SLC11A2: variants seen among roughly 807,000 people sequenced by gnomAD.
The protein encoded by SLC11A2 is solute carrier family 11 member 2.
In SLC11A2, 38 loss-of-function variants were observed where a neutral mutation model predicts 68.0. That is an observed-to-expected ratio of 0.56 (90% CI 0.43 to 0.73). SLC11A2 has a LOEUF of 0.73. Among genes scored for constraint, SLC11A2 ranks in the 30% least tolerant of loss-of-function variants. SLC11A2 has a pLI of 0.00. For synonymous variants in SLC11A2, 242 were observed against 250.6 expected, an observed-to-expected ratio of 0.97 and a Z score of 0.32; for missense variants, 517 against 690.5, an observed-to-expected ratio of 0.75 and a Z score of 2.82.
chr12:50,976,500 A>G (rs1341794169), downstream of SLC11A2, among the ~76,000 whole-genome samples: 1 of 152,230 alleles, frequency 6.6e-6, no homozygotes, highest in Non-Finnish European at 1.5e-5. Context: ...TCTCAAAACA[A>G]TAAGAGCTAT....
chr12:51,027,922 G>T (rs200153132), upstream of SLC11A2, among the ~76,000 whole-genome samples: 1 of 150,768 alleles, frequency 6.6e-6, no homozygotes, highest in East Asian at 2.0e-4. Flanking sequence ...AAAAGTGGGG[G>T]GGGGGGGCTT....
At chr12:50,971,256 C>T in the SLC11A2 span, among the ~76,000 whole-genome samples, 26 of 149,656 alleles carry the variant, frequency 1.7e-4, no homozygotes, top group African/African-American at 6.1e-4. Flanking sequence ...AAAGTAATTA[C>T]GGTTTCATAA....
chr12:50,994,909 G>A (rs1941557037), intron 10 of SLC11A2: 1 of 424,148 alleles, frequency 2.4e-6, no homozygotes, highest in African/African-American at 2.0e-5. Context: ...CAAGAGGAGA[G>A]GCTCTGAAGA....
At chr12:50,993,033 C>G (rs900768135) in intron 11 of SLC11A2, 104 bp from the exon 12 acceptor site, 15 of 1,336,156 alleles carry the variant, frequency 1.1e-5, no homozygotes, top group Non-Finnish European at 1.6e-5. Flanking sequence ...TGCTATGCAC[C>G]ACCAACACCA....
chr12:50,954,917 T>A, the SLC11A2 span, among the ~76,000 whole-genome samples: 16 of 152,298 alleles, frequency 1.1e-4, no homozygotes, highest in African/African-American at 3.8e-4. Context: ...TTTTGGCTGC[T>A]CAGTGGCCCT....
chr12:51,013,615 C>T (rs1182916257), intron 1 of SLC11A2, among the ~76,000 whole-genome samples: 1 of 151,862 alleles, frequency 6.6e-6, no homozygotes, highest in African/African-American at 2.4e-5. Context: ...TAGTGCATGT[C>T]TGTGGTGCCA....
the SLC11A2 span, among the ~76,000 whole-genome samples, chr12:50,959,268 C>T: frequency 1.1e-4 from 16 of 150,810 alleles, no homozygotes; most frequent in African/African-American, 2.9e-4. Context: ...TACAGGCATG[C>T]GCCACCACGC....
At position 50,986,864 on chromosome 12, in the gene SLC11A2, T is replaced by C. The variant is rs920666715; in HGVS notation, c.*1461A>G. ...CTGCGCTTTTGACTGTGTGCAAGTA[T>C]CAGTAATAATGCTTTTGGGGGCTCA... is the stretch of plus-strand genomic sequence containing the variant. On this transcript the variant is annotated 3_prime_UTR_variant, in exon 16 of 16. Coordinates refer to ENST00000262052, the MANE Select transcript of SLC11A2 (RefSeq NM_000617.3). The C allele has an allele frequency of 2.1e-5, 27 of 1,287,014 alleles. No individual in the cohort carries two copies. Among genetic ancestry groups the C allele is most frequent in the Non-Finnish European group, 2.6e-5 (26 of 988,668 alleles). 79.7% of individuals were successfully genotyped at this position (1,287,014 alleles called of 1,614,324 possible).
the SLC11A2 span, among the ~76,000 whole-genome samples, chr12:50,968,102 A>AAGGAGGAGGAGG: frequency 0.012 from 1,695 of 147,346 alleles, 16 homozygotes; most frequent in Middle Eastern, 0.021. Flanking sequence ...TAAGAAGAAG[A>AAGGAGGAGGAGG]AGGAGGAGGA....
downstream of SLC11A2, among the ~76,000 whole-genome samples, chr12:50,984,131 A>G (rs78747839): frequency 2.7e-5 from 4 of 145,656 alleles, no homozygotes; most frequent in African/African-American, 7.5e-5. Flanking sequence ...TCCATCTCAG[A>G]AAAAAAAAAA....
chr12:50,999,535 G>A, intron 6 of SLC11A2, 120 bp from the exon 7 acceptor site: 2 of 832,836 alleles, frequency 2.4e-6, no homozygotes, highest in Non-Finnish European at 4.1e-6. Flanking sequence ...ACTTGAGGGA[G>A]GAGGGACAAT....
chr12:50,954,062 A>C, the SLC11A2 span: 3 of 1,612,502 alleles, frequency 1.9e-6, no homozygotes, highest in Non-Finnish European at 2.5e-6. Context: ...ACTAATCAGG[A>C]AATCTAGAGA....
chr12:50,987,108 T>C lies in SLC11A2; in HGVS notation c.*1217A>G. On this transcript the variant is annotated 3_prime_UTR_variant, in exon 16 of 16. Coordinates refer to ENST00000262052, the MANE Select transcript of SLC11A2 (RefSeq NM_000617.3). ...AAGTGGCTGAAGTAAAAGCAGCAGC[T>C]TTGTGCTGAAGACACCCATTTCCTC... The C allele has an allele frequency of 1.6e-6, 2 of 1,285,660 alleles. No individual in the cohort carries two copies. Among genetic ancestry groups the C allele is most frequent in the Non-Finnish European group, 2.0e-6 (2 of 988,094 alleles). The allele number at this position is 1,285,660 out of a possible 1,614,324, so 79.6% of individuals were successfully genotyped here. A position where few individuals can be genotyped will look rare whatever the true frequency, so the allele number is the denominator to read the frequency against.
intron 3 of SLC11A2, among the ~76,000 whole-genome samples, chr12:51,006,753 C>A (rs1377613599): frequency 6.6e-6 from 1 of 152,094 alleles, no homozygotes; most frequent in Non-Finnish European, 1.5e-5. Context: ...ACTCTTTCAA[C>A]CAATTTCTTT....
At chr12:50,996,476 G>A (rs1330528678) in intron 9 of SLC11A2, among the ~76,000 whole-genome samples, 1 of 151,894 alleles carries the variant, frequency 6.6e-6, no homozygotes, top group Admixed American at 6.6e-5. Context: ...TCAAGAGGCT[G>A]AGGCACGAGA....
the SLC11A2 span, chr12:50,960,862 TAGAG>T: frequency 2.1e-6 from 2 of 954,710 alleles, no homozygotes; most frequent in Non-Finnish European, 1.5e-6. Context: ...TTTTTTTTTT[TAGAG>T]ATGGGGTCTT....
chr12:50,977,829 T>C (rs1296552063), downstream of SLC11A2, among the ~76,000 whole-genome samples: 7 of 151,974 alleles, frequency 4.6e-5, no homozygotes, highest in Middle Eastern at 3.4e-3. Context: ...AACAAGTGGG[T>C]GAAGGATATG....
intron 5 of SLC11A2, among the ~76,000 whole-genome samples, chr12:51,003,411 C>T (rs1942441603): frequency 6.6e-6 from 1 of 151,750 alleles, no homozygotes; most frequent in Non-Finnish European, 1.5e-5. Context: ...TGGCACGTGG[C>T]TGTAATCCAA....
chr12:50,996,771 T>G, intron 9 of SLC11A2, 46 bp downstream of exon 9: 1 of 1,589,748 alleles, frequency 6.3e-7, no homozygotes, highest in Non-Finnish European at 8.6e-7. Context: ...AAGGAAAAGA[T>G]CCCATGAACT....
Sources: allele counts gnomAD v4.1 joint callset (sites outside exome capture counted in the v4.1 genomes callset), GRCh38; gene constraint gnomAD v4.1.1; transcripts MANE v1.5; gene names NCBI Gene and HGNC (gene_info 2026-07-23, HGNC 2026-07-21).